The following NCOA4 variants were observed in gnomAD, a reference collection of about 807,000 sequenced individuals.
NCOA4 encodes nuclear receptor coactivator 4, also known as 70 kDa AR-activator.
NCOA4 carries 31 observed loss-of-function variants against 69.5 expected under a neutral mutation model. That is an observed-to-expected ratio of 0.45 (90% CI 0.34 to 0.60). NCOA4 has a LOEUF of 0.60. Ranked by LOEUF, NCOA4 falls within the 20% of genes least tolerant of loss-of-function variation. The probability of loss-of-function intolerance (pLI) is 0.02; values close to 1 mark genes in which losing one functional copy is unlikely to be tolerated. For synonymous variants in NCOA4, 228 were observed against 252.4 expected (o/e 0.90, Z 0.92); for missense variants, 600 against 719.2 (o/e 0.83, Z 1.90).
intron 1 of NCOA4, among the ~76,000 whole-genome samples, chr10:46,028,884 T>C (rs1554926017): frequency 6.6e-6 from 1 of 152,098 alleles, no homozygotes; most frequent in African/African-American, 2.4e-5. Context: ...TGACTGGCTC[T>C]GAATGCTAAC....
In NCOA4 at chr10:46,014,491, T is replaced by A; in HGVS notation, c.433A>T (p.Ile145Phe). 6.2e-7 allele frequency: 1 copy of A among 1,614,042 alleles called. No homozygotes were observed. The highest frequency in any genetic ancestry group is 1.3e-5 in the African/African-American group (1 of 75,020). Residue 145 changes from isoleucine to phenylalanine, a missense_variant, in exon 5 of 10, where the codon ATT (isoleucine) becomes TTT (phenylalanine). Coordinates refer to ENST00000581486, the MANE Select transcript of NCOA4 (RefSeq NM_001145263.2). ...GTGGTGATGGTCTGGCGCAGAGTAA[T>A]TGTGTCAGCTTCAAAGAGCAGGACA... ...STVLLFEADT[I>F]TLRQTITTFG...
At position 46,008,492 on chromosome 10, in the gene NCOA4, G is replaced by A. The variant is rs573702440; in HGVS notation, c.1839+919C>T. On this transcript the variant is annotated intron_variant, in intron 9 of 9. Transcript: ENST00000581486. ...AGCAAGAGAAGTAGAATTAGAAGTG[G>A]AGCCTGAATATGTGACTGAATTGCT... Among the ~76,000 whole-genome samples, 7 of 152,330 alleles carry A rather than the reference G, an allele frequency of 4.6e-5. No homozygotes were observed. The East Asian group carries it at 1.3e-3, about 29-fold the overall frequency.
At chr10:46,027,574 A>T in intron 1 of NCOA4, 1 of 1,099,622 alleles carries the variant, frequency 9.1e-7, no homozygotes, top group Non-Finnish European at 1.3e-6. Flanking sequence ...TGAAAATTTT[A>T]AAAGGACTAA....
In NCOA4 at chr10:46,012,926, G is replaced by A. The variant is rs782156728; in HGVS notation, c.671C>T (p.Pro224Leu). 8 of 1,614,006 alleles carry A rather than the reference G, an allele frequency of 5.0e-6. No individual in the cohort carries two copies. The African/African-American group carries it at 9.3e-5, about 19-fold the overall frequency. ...CTGCTTTTGGGTAAGCCAGTCCTGG[G>A]GGTCGGTGCTGGGTATGTAAGGAGC... The part of the protein sequence containing the change: ...YQAPYIPSTD[P>L]QDWLTQKQTL... The change falls in exon 7 of 10, where the codon CCC becomes CTC. Residue 224 changes from proline to leucine, a missense_variant. Coordinates refer to ENST00000581486, the MANE Select transcript of NCOA4 (RefSeq NM_001145263.2).
At chr10:46,006,635 TGAA>T (rs1554919855) in intron 9 of NCOA4, 38 bp from the exon 10 acceptor site, 16 of 1,613,042 alleles carry the variant, frequency 9.9e-6, no homozygotes, top group Admixed American at 1.7e-5. Flanking sequence ...GTTACTTCAA[TGAA>T]GAATAAAAGC....
chr10:46,006,449 T>A lies in NCOA4; in HGVS notation c.*143A>T, dbSNP rs1172104898. On this transcript the variant is annotated 3_prime_UTR_variant, in exon 10 of 10. Coordinates refer to ENST00000581486, the MANE Select transcript of NCOA4 (RefSeq NM_001145263.2). Reference sequence around the variant, plus strand: ...TAACTCATAATCTGATGACTCACTTTGCTTTACTAGTTCAAAATTAGGCAG... The same window carrying A: ...TAACTCATAATCTGATGACTCACTTAGCTTTACTAGTTCAAAATTAGGCAG... 7 of 874,918 alleles carry A rather than the reference T, an allele frequency of 8.0e-6. No individual in the cohort carries two copies. The highest frequency in any genetic ancestry group is 1.8e-5 in the Admixed American group (1 of 54,110). 54.2% of individuals were successfully genotyped at this position (874,918 alleles called of 1,614,324 possible).
intron 1 of NCOA4, among the ~76,000 whole-genome samples, chr10:46,024,290 A>G (rs934693883): frequency 1.3e-5 from 2 of 152,240 alleles, no homozygotes; most frequent in Non-Finnish European, 2.9e-5. Flanking sequence ...ATTTACATCA[A>G]TGGCAACAAA....
chr10:46,022,369 T>TA (rs1334311263), intron 1 of NCOA4: 8 of 446,652 alleles, frequency 1.8e-5, no homozygotes, highest in African/African-American at 1.0e-4. Flanking sequence ...GCTTTTAGTT[T>TA]AAAAAAATTA....
At chr10:46,023,564 G>C in intron 1 of NCOA4, 1 of 976,752 alleles carries the variant, frequency 1.0e-6, no homozygotes, top group Non-Finnish European at 1.2e-6. Context: ...GGCGCTCGCG[G>C]CCCCCCTGCA....
At chr10:46,014,066 G>A (rs936892260) in intron 5 of NCOA4, among the ~76,000 whole-genome samples, 2 of 151,642 alleles carry the variant, frequency 1.3e-5, no homozygotes, top group African/African-American at 2.4e-5. Flanking sequence ...ACTGTTTGTC[G>A]CCCAGGTTGG....
chr10:46,015,340 C>A, intron 2 of NCOA4, 74 bp from the exon 3 acceptor site: 6 of 659,722 alleles, frequency 9.1e-6, no homozygotes, highest in South Asian at 2.4e-5. Flanking sequence ...TAGTGAGTTT[C>A]TAAAACTTTT....
chr10:46,019,329 C>CACAT, intron 1 of NCOA4: 3 of 985,422 alleles, frequency 3.0e-6, no homozygotes, highest in Non-Finnish European at 3.6e-6. Context: ...ATACCTGTAT[C>CACAT]ACATGGGTGA....
intron 9 of NCOA4, 148 bp downstream of exon 9, chr10:46,009,263 G>T: frequency 1.3e-6 from 2 of 1,487,516 alleles, no homozygotes; most frequent in Non-Finnish European, 1.8e-6. Context: ...CTTTTTATGA[G>T]CTCCCCCGTC....
At chr10:46,013,144 A>T in intron 6 of NCOA4, 118 bp from the exon 7 acceptor site, 1 of 874,510 alleles carries the variant, frequency 1.1e-6, no homozygotes, top group Admixed American at 2.5e-5. Context: ...GCCTTCCAAG[A>T]GCCTCAATTT....
Position 46,012,889 on chromosome 10 carries a change from G to A in NCOA4, c.708C>T (p.Asn236=), listed in dbSNP as rs1007775705. The A allele has an allele frequency of 6.2e-7, 1 of 1,614,022 alleles. No homozygotes were observed. Among genetic ancestry groups the A allele is most frequent in the Non-Finnish European group, 8.5e-7 (1 of 1,179,964 alleles). The part of the protein sequence containing the change: ...DWLTQKQTLE[N]SQTSSRACNF... ...AATAAAAGCAGCAACAGACCTGACT[G>A]TTCTCCAAGGTCTGCTTTTGGGTAA... is the stretch of plus-strand genomic sequence containing the variant. The change falls in exon 7 of 10, where the codon AAC becomes AAT. Residue 236 remains asparagine, a synonymous_variant. Transcript: ENST00000581486.
At chr10:46,007,699 TC>T (rs1838928974) in intron 9 of NCOA4, among the ~76,000 whole-genome samples, 1 of 145,814 alleles carries the variant, frequency 6.9e-6, no homozygotes, top group African/African-American at 2.5e-5. Context: ...CACAAGATTC[TC>T]CCACCTCAGC....
chr10:46,013,407 A>C, intron 6 of NCOA4, 143 bp downstream of exon 6: 1 of 636,118 alleles, frequency 1.6e-6, no homozygotes, highest in Non-Finnish European at 2.7e-6. Flanking sequence ...TTAGGTCTCA[A>C]GGGAAGCATT....
Position 46,012,915 on chromosome 10 carries a change from G to C in NCOA4, c.682C>G (p.Leu228Val). 1 of 1,614,144 alleles carries C rather than the reference G, an allele frequency of 6.2e-7. No individual in the cohort carries two copies. Among genetic ancestry groups the C allele is most frequent in the East Asian group, 2.2e-5 (1 of 44,890 alleles). Residue 228 changes from leucine to valine, a missense_variant, in exon 7 of 10, where the codon CTT (leucine) becomes GTT (valine). Coordinates refer to ENST00000581486, the MANE Select transcript of NCOA4 (RefSeq NM_001145263.2). The stretch of plus-strand genomic sequence containing the variant: ...TTCTCCAAGGTCTGCTTTTGGGTAA[G>C]CCAGTCCTGGGGGTCGGTGCTGGGT... ...YIPSTDPQDW[L>V]TQKQTLENSQ...
intron 1 of NCOA4, chr10:46,027,484 A>G (rs1554925742): frequency 1.9e-6 from 3 of 1,551,412 alleles, no homozygotes; most frequent in Admixed American, 3.9e-5. Flanking sequence ...AGACCTCCAC[A>G]TTGTTCATGT....
Sources: allele counts gnomAD v4.1 joint callset (sites outside exome capture counted in the v4.1 genomes callset), GRCh38; gene constraint gnomAD v4.1.1; transcripts MANE v1.5; gene names NCBI Gene and HGNC (gene_info 2026-07-23, HGNC 2026-07-21).